Variants in UBR3 observed in about 807,000 individuals in gnomAD.
UBR3 encodes the protein E3 ubiquitin-protein ligase UBR3.
A neutral mutation model predicts 243.2 loss-of-function variants in UBR3; 85 were observed. The observed-to-expected ratio is 0.35, with a 90% confidence interval of 0.29 to 0.42. The LOEUF (loss-of-function observed/expected upper bound fraction) is 0.42, where lower values mean the gene tolerates loss of function less well. Ranked by LOEUF, UBR3 falls within the 10% of genes least tolerant of loss-of-function variation. UBR3 has a pLI of 1.00. For missense variants in UBR3, 1,686 were observed against 2,300.8 expected, an observed-to-expected ratio of 0.73 and a Z score of 5.47; for synonymous variants, 748 against 799.8, an observed-to-expected ratio of 0.94 and a Z score of 1.09.
intron 10 of UBR3, among the ~76,000 whole-genome samples, chr2:169,910,084 G>A (rs1001340359): frequency 6.6e-6 from 1 of 152,108 alleles, no homozygotes; most frequent in Non-Finnish European, 1.5e-5. Flanking sequence ...TGAGATGTCC[G>A]TGAAATGTCC....
intron 6 of UBR3, among the ~76,000 whole-genome samples, chr2:169,893,188 G>A (rs2084441604): frequency 6.6e-6 from 1 of 151,924 alleles, no homozygotes; most frequent in Admixed American, 6.6e-5. Context: ...GAGTTTTTTT[G>A]GTCTGCAGAT....
In UBR3 at chr2:170,015,337, C is replaced by T; in HGVS notation, c.4424C>T (p.Ala1475Val). 2 of 1,611,662 alleles carry T rather than the reference C, an allele frequency of 1.2e-6. No homozygotes were observed. The highest frequency in any genetic ancestry group is 2.2e-5 in the East Asian group (1 of 44,752). The change falls in exon 30 of 39, where the codon GCA (alanine) becomes GTA (valine). Residue 1475 changes from alanine to valine, a missense_variant. By Grantham distance (64) the Ala-to-Val change is moderately conservative. Coordinates refer to ENST00000272793, the MANE Select transcript of UBR3 (RefSeq NM_172070.4). ...HRGGNLCSGG[A>V]STAGKRSCLN... ...GGAGGCAATTTGTGTTCAGGTGGTGCAAGCACAGCTGGCAAAAGGTCTTGT... is the reference window on the plus strand; with the variant it reads ...GGAGGCAATTTGTGTTCAGGTGGTGTAAGCACAGCTGGCAAAAGGTCTTGT...
At chr2:170,061,805 T>C (rs2091463696) in intron 35 of UBR3, among the ~76,000 whole-genome samples, 2 of 152,232 alleles carry the variant, frequency 1.3e-5, no homozygotes. Context: ...GTTTTAAATA[T>C]ACTGGTATGT....
rs369172007 is a variant in UBR3, at chr2:170,000,686, T to C, written c.3919-618T>C. On this transcript the variant is annotated intron_variant, in intron 26 of 38. Transcript: ENST00000272793. ...GAGTGGCATGAGTACTTGTATCTAA[T>C]GGTCAGGCAAGAGATCTAAGTTTGC... is the stretch of plus-strand genomic sequence containing the variant. Among the ~76,000 whole-genome samples, 34 of 152,308 alleles carry C rather than the reference T, an allele frequency of 2.2e-4. No individual in the cohort carries two copies. In the South Asian group the frequency reaches 7.1e-3, roughly 32 times the overall value.
chr2:169,991,124 T>TTA (rs2105391935), intron 25 of UBR3, among the ~76,000 whole-genome samples: 1 of 152,000 alleles, frequency 6.6e-6, no homozygotes, highest in African/African-American at 2.4e-5. Flanking sequence ...AAGAAGGAGA[T>TTA]TATATATTGA....
intron 1 of UBR3, among the ~76,000 whole-genome samples, chr2:169,865,569 T>G (rs1314605932): frequency 6.6e-6 from 1 of 152,186 alleles, no homozygotes; most frequent in Non-Finnish European, 1.5e-5. Flanking sequence ...AAATTTTTCT[T>G]TACTCCACCC....
intron 10 of UBR3, among the ~76,000 whole-genome samples, chr2:169,912,676 A>AT (rs909817780): frequency 5.3e-5 from 8 of 152,084 alleles, no homozygotes; most frequent in Non-Finnish European, 1.0e-4. Context: ...GTTTATATAC[A>AT]TTTTTTGTGT....
At chr2:169,877,993 C>T (rs2083677886) in intron 4 of UBR3, among the ~76,000 whole-genome samples, 1 of 152,166 alleles carries the variant, frequency 6.6e-6, no homozygotes, top group African/African-American at 2.4e-5. Flanking sequence ...TTTGTAATAA[C>T]TGTATTAAAT....
At chr2:169,933,090 T>C (rs561452669) in intron 19 of UBR3, 82 bp downstream of exon 19, 3 of 901,666 alleles carry the variant, frequency 3.3e-6, no homozygotes, top group Non-Finnish European at 5.0e-6. Context: ...AGATATGATA[T>C]GCTCTCATTA....
At chr2:170,019,952 A>C (rs2090346626) in intron 30 of UBR3, among the ~76,000 whole-genome samples, 1 of 151,916 alleles carries the variant, frequency 6.6e-6, no homozygotes, top group Admixed American at 6.6e-5. Context: ...ATTTTTTAAT[A>C]CATTTCTTTG....
chr2:169,953,468 G>C (rs1272669009), intron 23 of UBR3, among the ~76,000 whole-genome samples: 1 of 152,210 alleles, frequency 6.6e-6, no homozygotes, highest in Non-Finnish European at 1.5e-5. Flanking sequence ...TTAGATGGTT[G>C]TAATAAAATG....
At chr2:169,929,316 T>TGTAA (rs1337446061) in intron 18 of UBR3, among the ~76,000 whole-genome samples, 1 of 152,210 alleles carries the variant, frequency 6.6e-6, no homozygotes, top group Non-Finnish European at 1.5e-5. Context: ...GGCTTATGCC[T>TGTAA]GTAATCCCAG....
At chr2:170,049,762 C>T (rs779044227) in intron 32 of UBR3, among the ~76,000 whole-genome samples, 1 of 152,068 alleles carries the variant, frequency 6.6e-6, no homozygotes, top group African/African-American at 2.4e-5. Context: ...TCTGACTTGT[C>T]TGATTTTCTT....
chr2:170,058,175 C>T (rs746188033), intron 33 of UBR3, among the ~76,000 whole-genome samples: 13 of 152,154 alleles, frequency 8.5e-5, no homozygotes, highest in Non-Finnish European at 1.6e-4. Flanking sequence ...TACGTCTTCT[C>T]TCACCCCTTT....
In UBR3 at chr2:169,827,861, G is replaced by A. The variant is rs1453296012; in HGVS notation, c.354G>A (p.Ala118=). 1.3e-6 allele frequency: 2 copies of A among 1,505,044 alleles called. No individual in the cohort carries two copies. The highest frequency in any genetic ancestry group is 2.7e-5 in the East Asian group (1 of 37,018). The allele number at this position is 1,505,044 out of a possible 1,614,324, so 93.2% of individuals were successfully genotyped here. Residue 118 remains alanine, a synonymous_variant, in exon 1 of 39, where the codon GCG becomes GCA. Transcript: ENST00000272793. ...CAAVRAYDPA[A]LCGLVWTANF... is the part of the protein sequence containing the mutation. ...CGGTGCGGGCCTACGATCCCGCGGC[G>A]CTCTGCGGCCTGGTCTGGACAGCCA...
At chr2:169,841,548 G>C (rs1034415834) in intron 1 of UBR3, among the ~76,000 whole-genome samples, 8 of 152,196 alleles carry the variant, frequency 5.3e-5, no homozygotes, top group Non-Finnish European at 7.3e-5. Flanking sequence ...GGCACGAGCC[G>C]GAACTGGGGC....
intron 24 of UBR3, among the ~76,000 whole-genome samples, chr2:169,960,243 A>AG (rs1332785962): frequency 6.6e-6 from 1 of 151,520 alleles, no homozygotes; most frequent in Admixed American, 6.6e-5. Flanking sequence ...GAGCAAAAAA[A>AG]AAAAAAAAAA....
chr2:169,968,500 C>T (rs2087931679), intron 24 of UBR3, among the ~76,000 whole-genome samples: 1 of 152,134 alleles, frequency 6.6e-6, no homozygotes, highest in Non-Finnish European at 1.5e-5. Flanking sequence ...CTTCCAGTTC[C>T]ATCCATGTTG....
intron 35 of UBR3, among the ~76,000 whole-genome samples, chr2:170,073,067 T>G (rs2091734349): frequency 1.3e-5 from 2 of 152,162 alleles, no homozygotes; most frequent in African/African-American, 4.8e-5. Context: ...ACTGACAACC[T>G]AAAAGTTTTA....
Sources: allele counts gnomAD v4.1 joint callset (sites outside exome capture counted in the v4.1 genomes callset), GRCh38; gene constraint gnomAD v4.1.1; transcripts MANE v1.5; gene names NCBI Gene and HGNC (gene_info 2026-07-23, HGNC 2026-07-21).